EFNA4: variants seen among roughly 807,000 people sequenced by gnomAD.
EFNA4 encodes ephrin-A4.
In EFNA4, 22 loss-of-function variants were observed where a neutral mutation model predicts 23.7. The ratio of observed to expected loss-of-function variants is 0.93; its 90% CI spans 0.66 to 1.32. The LOEUF is 1.32. Among genes scored for constraint, EFNA4 ranks in the 40% most tolerant of loss-of-function variants. The probability of loss-of-function intolerance (pLI) is 0.00; values close to 1 mark genes in which losing one functional copy is unlikely to be tolerated. For missense variants in EFNA4, 252 were observed against 252.3 expected (o/e 1.00, Z 0.01); for synonymous variants, 113 against 108.3 (o/e 1.04, Z -0.27).
rs1359075712 is a variant in EFNA4, at chr1:155,069,302, A to G, written c.*313A>G. 1.8e-6 allele frequency: 2 copies of G among 1,120,304 alleles called. No individual in the cohort carries two copies. Among genetic ancestry groups the G allele is most frequent in the Non-Finnish European group, 2.4e-6 (2 of 819,642 alleles). 69.4% of individuals were successfully genotyped at this position (1,120,304 alleles called of 1,614,324 possible). On this transcript the variant is annotated 3_prime_UTR_variant, in exon 4 of 4. Transcript: ENST00000368409. The stretch of plus-strand genomic sequence containing the variant: ...GGGATTTGGTATGATCAAATCCTCA[A>G]GCCAGCTGGGGGCCCAGGCTGAAGA...
At position 155,067,374 on chromosome 1, in the gene EFNA4, G is replaced by T. The variant is rs1663077376; in HGVS notation, c.403G>T (p.Val135Leu). The T allele has an allele frequency of 6.2e-7, 1 of 1,614,178 alleles. No homozygotes were observed. The highest frequency in any genetic ancestry group is 8.5e-7 in the Non-Finnish European group (1 of 1,180,016). Reference protein sequence around the residue: ...LPGETYYYISVPTPESSGQCL... With the variant: ...LPGETYYYISLPTPESSGQCL... Reference sequence around the variant, plus strand: ...TTTCCCACTTTCCCACTACCCAGCGGTGCCCACTCCAGAGAGTTCTGGCCA... The same window carrying T: ...TTTCCCACTTTCCCACTACCCAGCGTTGCCCACTCCAGAGAGTTCTGGCCA... The change falls in exon 3 of 4, where the codon GTG becomes TTG. Residue 135 changes from valine to leucine, a missense_variant and splice_region_variant. By Grantham distance (32) the Val-to-Leu change is conservative (BLOSUM62 1). Transcript: ENST00000368409.
At chr1:155,064,014 T>G in intron 1 of EFNA4, 78 bp downstream of exon 1, 2 of 1,225,150 alleles carry the variant, frequency 1.6e-6, no homozygotes, top group South Asian at 1.5e-5. Flanking sequence ...CACCCGCTCT[T>G]TGCGCGGCGC....
rs142249822 is a variant in EFNA4, at chr1:155,066,749, G to C, written c.133G>C (p.Val45Leu). 3.1e-4 allele frequency: 499 copies of C among 1,602,332 alleles called. No homozygotes were observed. The highest frequency in any genetic ancestry group is 3.9e-4 in the Non-Finnish European group (464 of 1,175,798). ...SNPRLLRGDA[V>L]VELGLNDYLD... ...CTGCAGGTTGCTTCGAGGAGACGCC[G>C]TGGTGGAGCTGGGCCTCAACGATTA... is the stretch of plus-strand genomic sequence containing the variant. The change falls in exon 2 of 4, where the codon GTG (valine) becomes CTG (leucine). Residue 45 changes from valine (V) to leucine (L), a missense_variant. Coordinates refer to ENST00000368409, the MANE Select transcript of EFNA4 (RefSeq NM_005227.3).
Position 155,066,711 on chromosome 1 carries a change from C to T in EFNA4, c.114-19C>T, listed in dbSNP as rs1451331380. 1 of 1,562,968 alleles carries T rather than the reference C, an allele frequency of 6.4e-7. No homozygotes were observed. Among genetic ancestry groups the T allele is most frequent in the African/African-American group, 1.4e-5 (1 of 73,246 alleles). Reference sequence around the variant, plus strand: ...TGGTGCCCTCCACTCCTCAGCCCACCCCTGCGTTATGCCTGCAGGTTGCTT... The same window carrying T: ...TGGTGCCCTCCACTCCTCAGCCCACTCCTGCGTTATGCCTGCAGGTTGCTT... On this transcript the variant is annotated intron_variant, in intron 1 of 3. Transcript: ENST00000368409.
In EFNA4 at chr1:155,066,779, G is replaced by C; in HGVS notation, c.163G>C (p.Asp55His). The C allele has an allele frequency of 6.2e-7, 1 of 1,610,526 alleles. No homozygotes were observed. Among genetic ancestry groups the C allele is most frequent in the South Asian group, 1.1e-5 (1 of 90,656 alleles). Reference sequence around the variant, plus strand: ...GGAGCTGGGCCTCAACGATTACCTAGACATTGTCTGCCCCCACTACGAAGG... The same window carrying C: ...GGAGCTGGGCCTCAACGATTACCTACACATTGTCTGCCCCCACTACGAAGG... Reference protein sequence around the residue: ...VVELGLNDYLDIVCPHYEGPG... With the variant: ...VVELGLNDYLHIVCPHYEGPG... Residue 55 changes from aspartate to histidine, a missense_variant, in exon 2 of 4, where the codon GAC (aspartate) becomes CAC (histidine). By Grantham distance (81) the Asp-to-His change is moderately conservative. Coordinates refer to ENST00000368409, the MANE Select transcript of EFNA4 (RefSeq NM_005227.3).
chr1:155,066,856 G>T lies in EFNA4; in HGVS notation c.240G>T (p.Trp80Cys). The T allele has an allele frequency of 6.2e-7, 1 of 1,614,074 alleles. No individual in the cohort carries two copies. Among genetic ancestry groups the T allele is most frequent in the Non-Finnish European group, 8.5e-7 (1 of 1,180,028 alleles). ...PETFALYMVDWPGYESCQAEG... is the reference protein window; with the variant it reads ...PETFALYMVDCPGYESCQAEG... ...CGTTTGCTTTGTACATGGTGGACTG[G>T]CCAGGCTATGAGTCCTGCCAGGCAG... is the stretch of plus-strand genomic sequence containing the variant. Residue 80 changes from tryptophan to cysteine, a missense_variant, in exon 2 of 4, where the codon TGG becomes TGT. Trp to Cys is a radical substitution (Grantham distance 215). Transcript: ENST00000368409.
At chr1:155,065,327 T>C (rs1007900446) in intron 1 of EFNA4, among the ~76,000 whole-genome samples, 9 of 151,930 alleles carry the variant, frequency 5.9e-5, no homozygotes, top group African/African-American at 2.2e-4. Context: ...TGGGGGGTGG[T>C]TCATGCAGCA....
rs539593653 is a variant in EFNA4 at position 155,063,742 on chromosome 1, C to G, written c.-82C>G. On this transcript the variant is annotated 5_prime_UTR_variant, in exon 1 of 4. Coordinates refer to ENST00000368409, the MANE Select transcript of EFNA4 (RefSeq NM_005227.3). The surrounding 1 kb of genome is among the most constrained non-coding windows in gnomAD (Gnocchi z 4.1). The stretch of plus-strand genomic sequence containing the variant: ...CCCCACTCCCCTTTCCGCAACTTCC[C>G]TCTTCACTTTGTACCTTTCTCTCCT... 4.7e-6 allele frequency: 6 copies of G among 1,281,330 alleles called. No homozygotes were observed. The African/African-American group carries it at 7.9e-5, about 17-fold the overall frequency. The allele number at this position is 1,281,330 out of a possible 1,614,324, so 79.4% of individuals were successfully genotyped here.
rs753765092 is a variant in EFNA4 at position 155,066,856 on chromosome 1, G to A, written c.240G>A (p.Trp80Ter). 2 of 1,614,074 alleles carry A rather than the reference G, an allele frequency of 1.2e-6. No individual in the cohort carries two copies. Among genetic ancestry groups the A allele is most frequent in the Non-Finnish European group, 1.7e-6 (2 of 1,180,028 alleles). The change falls in exon 2 of 4, where the codon TGG becomes TGA. Residue 80 changes from tryptophan to a stop codon, truncating the protein, a stop_gained. Transcript: ENST00000368409. LOFTEE classifies it high-confidence loss of function. Reference protein sequence around the residue: ...PETFALYMVDWPGYESCQAEG... With the variant: ...PETFALYMVD ...CGTTTGCTTTGTACATGGTGGACTGGCCAGGCTATGAGTCCTGCCAGGCAG... is the reference window on the plus strand; with the variant it reads ...CGTTTGCTTTGTACATGGTGGACTGACCAGGCTATGAGTCCTGCCAGGCAG...
intron 2 of EFNA4, 32 bp from the exon 3 acceptor site, chr1:155,067,340 T>C: frequency 6.2e-7 from 1 of 1,613,380 alleles, no homozygotes. Flanking sequence ...TGACTCCCTG[T>C]GCTAACTTTT....
intron 1 of EFNA4, among the ~76,000 whole-genome samples, chr1:155,065,340 C>A (rs537190103): frequency 5.9e-5 from 9 of 152,198 alleles, no homozygotes; most frequent in Non-Finnish European, 1.2e-4. Context: ...ATGCAGCATT[C>A]AGTACTGTGG....
rs767943701 is a variant in EFNA4 at position 155,069,062 on chromosome 1, T to G, written c.*73T>G. On this transcript the variant is annotated 3_prime_UTR_variant, in exon 4 of 4. Coordinates refer to ENST00000368409, the MANE Select transcript of EFNA4 (RefSeq NM_005227.3). Reference sequence around the variant, plus strand: ...GATCCCCTGGAGGAGGAGGGATCCCTGCTGCCTGCACTGGGGGTGCCAATT... The same window carrying G: ...GATCCCCTGGAGGAGGAGGGATCCCGGCTGCCTGCACTGGGGGTGCCAATT... The G allele has an allele frequency of 6.2e-7, 1 of 1,612,190 alleles. No individual in the cohort carries two copies. The highest frequency in any genetic ancestry group is 1.3e-5 in the African/African-American group (1 of 74,774).
Position 155,063,772 on chromosome 1 carries a change from T to A in EFNA4, c.-52T>A. The A allele has an allele frequency of 6.9e-7, 1 of 1,442,096 alleles. No individual in the cohort carries two copies. The highest frequency in any genetic ancestry group is 9.2e-7 in the Non-Finnish European group (1 of 1,086,810). The allele number at this position is 1,442,096 out of a possible 1,614,324, so 89.3% of individuals were successfully genotyped here. ...CACTTTGTACCTTTCTCTCCTCGAC[T>A]GTGAAGCGGGCCGGGACCTGCCAGG... is the stretch of plus-strand genomic sequence containing the variant. On this transcript the variant is annotated 5_prime_UTR_variant, in exon 1 of 4. Coordinates refer to ENST00000368409, the MANE Select transcript of EFNA4 (RefSeq NM_005227.3). This position sits in a 1 kb window ranked among gnomAD's most constrained non-coding sequence, Gnocchi z 4.1.
chr1:155,065,397 C>T (rs1662989994), intron 1 of EFNA4, among the ~76,000 whole-genome samples: 1 of 152,086 alleles, frequency 6.6e-6, no homozygotes, highest in Admixed American at 6.5e-5. Flanking sequence ...CTTCCCCAGG[C>T]AGCTCCCAAG....
chr1:155,065,539 T>C (rs1340970781), intron 1 of EFNA4, among the ~76,000 whole-genome samples: 5 of 150,180 alleles, frequency 3.3e-5, no homozygotes, highest in Admixed American at 2.0e-4. Context: ...TTTTTTTTTT[T>C]TTTTTTAATT....
chr1:155,066,084 G>A (rs2102442425), intron 1 of EFNA4, among the ~76,000 whole-genome samples: 1 of 151,984 alleles, frequency 6.6e-6, no homozygotes, highest in Non-Finnish European at 1.5e-5. Context: ...GCCCAGGCTG[G>A]TCTTGAACTC....
At chr1:155,064,026 G>A in intron 1 of EFNA4, 90 bp downstream of exon 1, 7 of 1,132,866 alleles carry the variant, frequency 6.2e-6, no homozygotes, top group Non-Finnish European at 8.2e-6. Flanking sequence ...GCGCGGCGCC[G>A]CCTGAGCCTG....
intron 1 of EFNA4, among the ~76,000 whole-genome samples, chr1:155,066,143 C>A (rs1009114095): frequency 3.3e-5 from 5 of 152,148 alleles, no homozygotes; most frequent in Non-Finnish European, 7.4e-5. Flanking sequence ...TGCTGGGATT[C>A]AGATGTGAGC....
intron 1 of EFNA4, among the ~76,000 whole-genome samples, chr1:155,064,588 G>T (rs537102308): frequency 1.3e-5 from 2 of 152,256 alleles, no homozygotes; most frequent in South Asian, 4.1e-4. Context: ...TGTGAAAGAG[G>T]CTCAGGCTGT....
Sources: allele counts gnomAD v4.1 joint callset (sites outside exome capture counted in the v4.1 genomes callset), GRCh38; gene constraint gnomAD v4.1.1; non-coding constraint Gnocchi (gnomAD v3.1); transcripts MANE v1.5; gene names NCBI Gene and HGNC (gene_info 2026-07-23, HGNC 2026-07-21).